The following LAMA3 variants were observed in gnomAD, a reference collection of about 807,000 sequenced individuals.
The protein encoded by LAMA3 is laminin subunit alpha 3.
In LAMA3, 281 loss-of-function variants were observed where a neutral mutation model predicts 402.0. The observed-to-expected ratio is 0.70, with a 90% CI of 0.63 to 0.77. LAMA3 has a LOEUF of 0.77. LAMA3 is among the 30% of genes least tolerant of loss of function. The pLI is 0.00. For synonymous variants in LAMA3, 1,431 were observed against 1,558.4 expected (o/e 0.92, Z 1.93); for missense variants, 3,840 against 4,215.5 (o/e 0.91, Z 2.47).
At chr18:23,704,574 A>G (rs918743625) in intron 1 of LAMA3, among the ~76,000 whole-genome samples, 2 of 152,228 alleles carry the variant, frequency 1.3e-5, no homozygotes, top group Non-Finnish European at 2.9e-5. Flanking sequence ...CCCCAGTGCT[A>G]GCTTGCCCCA....
intron 27 of LAMA3, 102 bp from the exon 28 acceptor site, chr18:23,842,293 T>G: frequency 4.3e-6 from 6 of 1,404,400 alleles, no homozygotes; most frequent in Non-Finnish European, 6.0e-6. Context: ...AATACTTAGG[T>G]TGTTTTGTTT....
Position 23,928,778 on chromosome 18 carries a change from G to A in LAMA3, c.8436+13G>A. On this transcript the variant is annotated intron_variant, in intron 64 of 74. Coordinates refer to ENST00000313654, the MANE Select transcript of LAMA3 (RefSeq NM_198129.4). The stretch of plus-strand genomic sequence containing the variant: ...TCATCAGACATGGGTATGCAGTAGT[G>A]CATTAATATCAAACAAGATTTAAAC... 1.2e-6 allele frequency: 2 copies of A among 1,609,956 alleles called. No homozygotes were observed. The highest frequency in any genetic ancestry group is 1.7e-6 in the Non-Finnish European group (2 of 1,176,216).
At position 23,905,939 on chromosome 18, in the gene LAMA3, A is replaced by AT. The variant is rs75582311; in HGVS notation, c.6718+323dup. 2.5e-3 allele frequency among the ~76,000 whole-genome samples: 377 copies of AT among 151,348 alleles called. 3 individuals carry two copies. The highest frequency in any genetic ancestry group is 6.1e-3 in the South Asian group (29 of 4,760). On this transcript the variant is annotated intron_variant, in intron 52 of 74. Transcript: ENST00000313654. ...ACCACCATGCCCAGCTAATTTTTGT[A>AT]TTTTTTTTAGAGGCAAGGTCTTGCT...
rs898125593 is a variant in LAMA3, at chr18:23,757,937, G to A, written c.948-459G>A. ...TATTAGCAGCTGGTCCTTGAATTGG[G>A]TAAAGCATGACCACAGGTTGAGAGT... is the stretch of plus-strand genomic sequence containing the variant. On this transcript the variant is annotated intron_variant, in intron 6 of 74. Transcript: ENST00000313654. 3.3e-5 allele frequency among the ~76,000 whole-genome samples: 5 copies of A among 152,240 alleles called. No individual in the cohort carries two copies. The South Asian group carries it at 1.0e-3, about 31-fold the overall frequency.
intron 1 of LAMA3, among the ~76,000 whole-genome samples, chr18:23,690,437 C>T (rs1307052872): frequency 6.6e-6 from 1 of 152,236 alleles, no homozygotes; most frequent in Non-Finnish European, 1.5e-5. Context: ...TAGGTTATAA[C>T]AGCGGTATCA....
chr18:23,763,897 G>A (rs917963343), intron 8 of LAMA3, among the ~76,000 whole-genome samples: 3 of 152,152 alleles, frequency 2.0e-5, no homozygotes, highest in Non-Finnish European at 2.9e-5. Context: ...GACAGATTCT[G>A]AGTCTAGACT....
chr18:23,873,864 A>G (rs988280832), intron 38 of LAMA3, among the ~76,000 whole-genome samples: 1 of 152,274 alleles, frequency 6.6e-6, no homozygotes, highest in Admixed American at 6.5e-5. Context: ...CATGTTAACT[A>G]GTTATAAAAC....
chr18:23,915,437 G>C lies in LAMA3; in HGVS notation c.7778+15G>C. 6.2e-7 allele frequency: 1 copy of C among 1,611,102 alleles called. No individual in the cohort carries two copies. The highest frequency in any genetic ancestry group is 8.5e-7 in the Non-Finnish European group (1 of 1,178,154). On this transcript the variant is annotated intron_variant, in intron 59 of 74. Transcript: ENST00000313654. ...CCTTGTAGAAGGTAAATAAAATGTA[G>C]AAACCAGAAACTCTGTAACTGGAGT...
intron 7 of LAMA3, 151 bp downstream of exon 7, chr18:23,758,662 C>T: frequency 1.6e-6 from 1 of 618,382 alleles, no homozygotes; most frequent in Non-Finnish European, 2.9e-6. Flanking sequence ...CCTCAGACTG[C>T]AGGGAAAAGT....
At chr18:23,776,413 A>G (rs909933116) in intron 10 of LAMA3, among the ~76,000 whole-genome samples, 1 of 152,200 alleles carries the variant, frequency 6.6e-6, no homozygotes, top group African/African-American at 2.4e-5. Context: ...AAAAAAATAC[A>G]TATCTGTCAG....
At chr18:23,887,055 T>C (rs184528925) in intron 41 of LAMA3, among the ~76,000 whole-genome samples, 87 of 152,392 alleles carry the variant, frequency 5.7e-4, no homozygotes, top group Non-Finnish European at 5.6e-4. Flanking sequence ...GGAGCATTTC[T>C]CACACTTGCC....
intron 60 of LAMA3, among the ~76,000 whole-genome samples, chr18:23,917,179 G>A (rs977673174): frequency 6.6e-6 from 1 of 152,144 alleles, no homozygotes; most frequent in African/African-American, 2.4e-5. Context: ...CTTCATCCAT[G>A]TTGCTGCAAA....
intron 69 of LAMA3, 84 bp from the exon 70 acceptor site, chr18:23,946,060 T>A: frequency 7.4e-7 from 1 of 1,349,712 alleles, no homozygotes; most frequent in Non-Finnish European, 1.1e-6. Context: ...CATTTTTTTT[T>A]AATTTGGCCA....
intron 12 of LAMA3, 77 bp downstream of exon 12, chr18:23,784,234 T>C (rs2062495311): frequency 6.4e-7 from 1 of 1,557,424 alleles, no homozygotes; most frequent in Non-Finnish European, 8.8e-7. Flanking sequence ...CAGATCTTTC[T>C]GGCAGAGCTG....
intron 23 of LAMA3, among the ~76,000 whole-genome samples, chr18:23,833,389 T>C (rs1300377518): frequency 1.8e-5 from 1 of 54,304 alleles, no homozygotes; most frequent in Non-Finnish European, 3.1e-5. Flanking sequence ...AATTTAAAAC[T>C]TATTAAAAAA....
intron 1 of LAMA3, among the ~76,000 whole-genome samples, chr18:23,700,136 G>GT (rs902080155): frequency 8.6e-5 from 13 of 151,718 alleles, no homozygotes; most frequent in African/African-American, 3.2e-4. Flanking sequence ...CCTTACCTAG[G>GT]TAAGACATGT....
intron 3 of LAMA3, 42 bp from the exon 4 acceptor site, chr18:23,749,386 G>A (rs2061705232): frequency 2.0e-6 from 2 of 997,528 alleles, no homozygotes; most frequent in Non-Finnish European, 3.1e-6. Flanking sequence ...GCAACAAAAT[G>A]ATAATATTTT....
intron 2 of LAMA3, among the ~76,000 whole-genome samples, chr18:23,720,806 T>C (rs2061197587): frequency 6.6e-6 from 1 of 152,148 alleles, no homozygotes; most frequent in Non-Finnish European, 1.5e-5. Flanking sequence ...TTTGGGGTGC[T>C]TTGAAGTAAT....
chr18:23,924,731 C>T (rs908737504), intron 62 of LAMA3, among the ~76,000 whole-genome samples: 5 of 151,442 alleles, frequency 3.3e-5, no homozygotes, highest in African/African-American at 9.7e-5. Context: ...TTAGTAGAGA[C>T]GGGGTTTTGC....
Sources: allele counts gnomAD v4.1 joint callset (sites outside exome capture counted in the v4.1 genomes callset), GRCh38; gene constraint gnomAD v4.1.1; transcripts MANE v1.5; gene names NCBI Gene and HGNC (gene_info 2026-07-23, HGNC 2026-07-21).